Variants in UGT2B28 observed in about 807,000 individuals in gnomAD.
UGT2B28 encodes the protein UDP-glucuronosyltransferase 2B28.
In UGT2B28, 45 loss-of-function variants were observed where a neutral mutation model predicts 43.6. The observed-to-expected ratio is 1.03, with a 90% CI of 0.81 to 1.32. The LOEUF is 1.32. UGT2B28 is among the 40% of genes most tolerant of loss of function. UGT2B28 has a pLI of 0.00. For missense variants in UGT2B28, 649 were observed against 625.5 expected, an observed-to-expected ratio of 1.04 and a Z score of -0.40; for synonymous variants, 204 against 208.1, an observed-to-expected ratio of 0.98 and a Z score of 0.17.
In UGT2B28 at chr4:69,294,905, T is replaced by C; in HGVS notation, c.*96T>C. ...AAGATTGTTATGCAAGATTTCTTTC[T>C]TCCTGTGACAAAAAAAAAAACTTTT... is the stretch of plus-strand genomic sequence containing the variant. On this transcript the variant is annotated 3_prime_UTR_variant, in exon 6 of 6. Coordinates refer to ENST00000335568, the MANE Select transcript of UGT2B28 (RefSeq NM_053039.2). 1.5e-6 allele frequency: 2 copies of C among 1,361,238 alleles called. No homozygotes were observed. Among genetic ancestry groups the C allele is most frequent in the Non-Finnish European group, 9.5e-7 (1 of 1,052,360 alleles). 84.3% of individuals were successfully genotyped at this position (1,361,238 alleles called of 1,614,324 possible). A position where few individuals can be genotyped will look rare whatever the true frequency, so the allele number is the denominator to read the frequency against.
chr4:69,293,953 G>T (rs1352410722), intron 5 of UGT2B28, among the ~76,000 whole-genome samples: 1 of 140,284 alleles, frequency 7.1e-6, no homozygotes, highest in Admixed American at 7.1e-5. Context: ...AAGCCATGAG[G>T]TATGTCACTC....
In UGT2B28 at chr4:69,288,714, T is replaced by G. The variant is rs546106256; in HGVS notation, c.1003-951T>G. On this transcript the variant is annotated intron_variant, in intron 3 of 5. Transcript: ENST00000335568. ...CCAGGTATTAAGACTAATATTCGTT[T>G]ATTATTTTTCCTGATCCTCTCTTTC... Among the ~76,000 whole-genome samples the G allele has an allele frequency of 2.4e-4, 33 of 139,334 alleles. 3 individuals are homozygous for G. In the South Asian group the frequency reaches 5.8e-3, roughly 25 times the overall value. 91.4% of individuals were successfully genotyped at this position (139,334 alleles called of 152,430 possible). A position where few individuals can be genotyped will look rare whatever the true frequency, so the allele number is the denominator to read the frequency against.
In UGT2B28 at chr4:69,294,895, G is replaced by T; in HGVS notation, c.*86G>T. ...CAAGAAAGAAAAGATTGTTATGCAAGATTTCTTTCTTCCTGTGACAAAAAA... is the reference window on the plus strand; with the variant it reads ...CAAGAAAGAAAAGATTGTTATGCAATATTTCTTTCTTCCTGTGACAAAAAA... On this transcript the variant is annotated 3_prime_UTR_variant, in exon 6 of 6. Coordinates refer to ENST00000335568, the MANE Select transcript of UGT2B28 (RefSeq NM_053039.2). 3 of 1,350,714 alleles carry T rather than the reference G, an allele frequency of 2.2e-6. No individual in the cohort carries two copies. Among genetic ancestry groups the T allele is most frequent in the South Asian group, 2.0e-5 (1 of 48,912 alleles). The allele number at this position is 1,350,714 out of a possible 1,614,324, so 83.7% of individuals were successfully genotyped here.
Position 69,289,735 on chromosome 4 carries a change from C to T in UGT2B28, c.1073C>T (p.Pro358Leu), listed in dbSNP as rs1235970562. 4 of 1,556,552 alleles carry T rather than the reference C, an allele frequency of 2.6e-6. 1 individual carries two copies. Among genetic ancestry groups the T allele is most frequent in the Non-Finnish European group, 3.5e-6 (4 of 1,154,672 alleles). ...GLNTRLYKWI[P>L]QNDLLGLPKT... is the part of the protein sequence containing the mutation. ...AATACTCGGCTGTATAAGTGGATAC[C>T]CCAGAATGACCTTCTAGGTAACACT... Residue 358 changes from proline (P) to leucine (L), a missense_variant, in exon 4 of 6, where the codon CCC (proline) becomes CTC (leucine). Physicochemically the swap from Pro to Leu is moderately conservative, Grantham distance 98. Transcript: ENST00000335568.
intron 1 of UGT2B28, among the ~76,000 whole-genome samples, chr4:69,281,990 T>A (rs1723626521): frequency 7.1e-6 from 1 of 140,448 alleles, no homozygotes; most frequent in South Asian, 2.4e-4. Flanking sequence ...ATTATTAAGA[T>A]CTTAGCTCAA....
In UGT2B28 at chr4:69,292,987, A is replaced by C. The variant is rs528352507; in HGVS notation, c.1311-1543A>C. On this transcript the variant is annotated intron_variant, in intron 5 of 5. Coordinates refer to ENST00000335568, the MANE Select transcript of UGT2B28 (RefSeq NM_053039.2). Reference sequence around the variant, plus strand: ...CAGATATACATAAATATATAAATCTAATGCTGTATAGCAGAGTGTTCATGA... The same window carrying C: ...CAGATATACATAAATATATAAATCTCATGCTGTATAGCAGAGTGTTCATGA... Among the ~76,000 whole-genome samples, 16 of 140,738 alleles carry C rather than the reference A, an allele frequency of 1.1e-4. 3 individuals carry two copies. Among genetic ancestry groups the C allele is most frequent in the South Asian group, 7.2e-4 (3 of 4,192 alleles). 92.3% of individuals were successfully genotyped at this position (140,738 alleles called of 152,430 possible). A position where few individuals can be genotyped will look rare whatever the true frequency, so the allele number is the denominator to read the frequency against.
intron 3 of UGT2B28, among the ~76,000 whole-genome samples, chr4:69,287,216 A>G (rs1382244120): frequency 7.1e-6 from 1 of 141,036 alleles, no homozygotes; most frequent in Non-Finnish European, 1.5e-5. Flanking sequence ...TATGGCTGAA[A>G]TTAACTCAAT....
chr4:69,288,168 C>T (rs1363836537), intron 3 of UGT2B28, among the ~76,000 whole-genome samples: 10 of 135,016 alleles, frequency 7.4e-5, no homozygotes, highest in Non-Finnish European at 1.1e-4. Flanking sequence ...AAAAAAAATC[C>T]AAAATTAACG....
At position 69,284,134 on chromosome 4, in the gene UGT2B28, TG is replaced by T. The variant is rs1334344386; in HGVS notation, c.870+1477del. 2.1e-5 allele frequency among the ~76,000 whole-genome samples: 3 copies of T among 140,132 alleles called. 1 individual carries two copies. Among genetic ancestry groups the T allele is most frequent in the Non-Finnish European group, 4.6e-5 (3 of 65,602 alleles). 91.9% of individuals were successfully genotyped at this position (140,132 alleles called of 152,430 possible). On this transcript the variant is annotated intron_variant, in intron 2 of 5. Transcript: ENST00000335568. ...TGACAAGCAACTCAGTAAAGCTTTC[TG>T]GGGGAACTTATCTCAACATCATAGG...
chr4:69,289,801 G>T, intron 4 of UGT2B28, 49 bp downstream of exon 4: 1 of 1,429,114 alleles, frequency 7.0e-7, no homozygotes, highest in South Asian at 1.3e-5. Flanking sequence ...CTGCACATTA[G>T]AATGTTAATA....
intron 2 of UGT2B28, among the ~76,000 whole-genome samples, chr4:69,285,522 CACA>C (rs5859170): frequency 7.2e-6 from 1 of 139,296 alleles, no homozygotes; most frequent in Non-Finnish European, 1.5e-5. Flanking sequence ...TGCAATCACA[CACA>C]ACACCTAGAA....
In UGT2B28 at chr4:69,285,774, T is replaced by G. The variant is rs377093134; in HGVS notation, c.871-978T>G. Among the ~76,000 whole-genome samples, 7 of 140,890 alleles carry G rather than the reference T, an allele frequency of 5.0e-5. 1 individual carries two copies. Among genetic ancestry groups the G allele is most frequent in the African/African-American group, 1.1e-4 (4 of 36,026 alleles). The allele number at this position is 140,890 out of a possible 152,430, so 92.4% of individuals were successfully genotyped here. A position where few individuals can be genotyped will look rare whatever the true frequency, so the allele number is the denominator to read the frequency against. Reference sequence around the variant, plus strand: ...CAAGTCAGAATAATTCTCAATCAATTGCAGCCAAGCACATCTTCACCAGGC... The same window carrying G: ...CAAGTCAGAATAATTCTCAATCAATGGCAGCCAAGCACATCTTCACCAGGC... On this transcript the variant is annotated intron_variant, in intron 2 of 5. Transcript: ENST00000335568.
chr4:69,280,879 T>C lies in UGT2B28; in HGVS notation c.379T>C (p.Cys127Arg). 3 of 1,558,054 alleles carry C rather than the reference T, an allele frequency of 1.9e-6. No individual in the cohort carries two copies. The highest frequency in any genetic ancestry group is 2.6e-6 in the Non-Finnish European group (3 of 1,155,224). The change falls in exon 1 of 6, where the codon TGT becomes CGT. Residue 127 changes from cysteine (C) to arginine (R), a missense_variant. By Grantham distance (180) the Cys-to-Arg change is radical (BLOSUM62 -3). Coordinates refer to ENST00000335568, the MANE Select transcript of UGT2B28 (RefSeq NM_053039.2). ...WEFHDIFRNF[C>R]KDVVSNKKVM... ...ATTTCATGACATATTTAGAAACTTC[T>C]GTAAAGATGTAGTTTCAAATAAGAA...
chr4:69,289,331 C>A (rs1723876437), intron 3 of UGT2B28, among the ~76,000 whole-genome samples: 1 of 140,134 alleles, frequency 7.1e-6, no homozygotes, highest in Admixed American at 7.2e-5. Flanking sequence ...TTGAATTTCT[C>A]TAATGATCCG....
rs1033159558 is a variant in UGT2B28, at chr4:69,290,292, CTTTATTTCA to C, written c.1091-298_1091-290del. 6.4e-5 allele frequency among the ~76,000 whole-genome samples: 9 copies of C among 139,822 alleles called. 2 individuals are homozygous for C. The highest frequency in any genetic ancestry group is 1.4e-4 in the Non-Finnish European group (9 of 65,586). The allele number at this position is 139,822 out of a possible 152,430, so 91.7% of individuals were successfully genotyped here. On this transcript the variant is annotated intron_variant, in intron 4 of 5. Coordinates refer to ENST00000335568, the MANE Select transcript of UGT2B28 (RefSeq NM_053039.2). ...CTCTGTGACAGCACCTAAAATAAAA[CTTTATTTCA>C]TGCCCATCTCTTTGCTGTCCTCTTT...
intron 2 of UGT2B28, among the ~76,000 whole-genome samples, chr4:69,283,196 G>T (rs576962405): frequency 1.4e-5 from 2 of 139,442 alleles, no homozygotes; most frequent in African/African-American, 5.6e-5. Context: ...TGCAGAAATA[G>T]GTAAAAGAAT....
chr4:69,282,358 A>T (rs865866553), intron 1 of UGT2B28, among the ~76,000 whole-genome samples, 156 bp from the exon 2 acceptor site: 5 of 140,226 alleles, frequency 3.6e-5, no homozygotes, highest in African/African-American at 1.4e-4. Context: ...TAATACATAA[A>T]AATATATTAT....
rs373339534 is a variant in UGT2B28 at position 69,281,237 on chromosome 4, A to T, written c.721+16A>T. ...GAAGTTTTAGGTAAGAATTTGTTTA[A>T]TCGGGAACTTGAAGATCTAACTTAT... On this transcript the variant is annotated intron_variant, in intron 1 of 5. Transcript: ENST00000335568. 3 of 1,478,794 alleles carry T rather than the reference A, an allele frequency of 2.0e-6. No individual in the cohort carries two copies. The highest frequency in any genetic ancestry group is 2.7e-6 in the Non-Finnish European group (3 of 1,119,752). 91.6% of individuals were successfully genotyped at this position (1,478,794 alleles called of 1,614,324 possible).
At chr4:69,286,972 C>T in intron 3 of UGT2B28, 89 bp downstream of exon 3, 1 of 1,502,366 alleles carries the variant, frequency 6.7e-7, no homozygotes, top group Non-Finnish European at 8.9e-7. Context: ...TAAGGCTAGA[C>T]TGAACTCTTT....
Sources: allele counts gnomAD v4.1 joint callset (sites outside exome capture counted in the v4.1 genomes callset), GRCh38; gene constraint gnomAD v4.1.1; transcripts MANE v1.5; gene names NCBI Gene and HGNC (gene_info 2026-07-23, HGNC 2026-07-21).